Variants in CDH13 observed in about 807,000 individuals in gnomAD.
CDH13 encodes the protein cadherin-13.
In CDH13, 24 loss-of-function variants were observed where a neutral mutation model predicts 63.8. The observed-to-expected ratio is 0.38, with a 90% CI of 0.27 to 0.53. The LOEUF (loss-of-function observed/expected upper bound fraction) is 0.53. CDH13 is among the 20% of genes least tolerant of loss of function. The probability of loss-of-function intolerance (pLI) is 0.85; values close to 1 mark genes in which losing one functional copy is unlikely to be tolerated. For synonymous variants in CDH13, 503 were observed against 355.3 expected, an observed-to-expected ratio of 1.42 and a Z score of -4.67; for missense variants, 1,049 against 903.1, an observed-to-expected ratio of 1.16 and a Z score of -2.07.
At chr16:82,968,310 A>G (rs958331122) in intron 2 of CDH13, among the ~76,000 whole-genome samples, 1 of 152,182 alleles carries the variant, frequency 6.6e-6, no homozygotes, top group African/African-American at 2.4e-5. Flanking sequence ...TTCCACCTTC[A>G]TGTCCTGAAT....
chr16:82,739,634 C>T, intron 1 of CDH13, among the ~76,000 whole-genome samples: 1 of 152,078 alleles, frequency 6.6e-6, no homozygotes, highest in East Asian at 1.9e-4. Context: ...CGGGAATTTG[C>T]CTTTAATTAT....
In CDH13 at chr16:83,182,828, G is replaced by A. The variant is rs571712644; in HGVS notation, c.484-34517G>A. Among the ~76,000 whole-genome samples, 22 of 152,194 alleles carry A rather than the reference G, an allele frequency of 1.4e-4. 2 individuals carry two copies. In the South Asian group the frequency reaches 4.4e-3, roughly 30 times the overall value. ...ATGAGACTGATTTCCCACGTCATGA[G>A]GAAAAATGTCTCTTTACTTTGTGAT... On this transcript the variant is annotated intron_variant, in intron 4 of 13. Transcript: ENST00000567109.
At chr16:82,678,169 C>T (rs1490109741) in intron 1 of CDH13, among the ~76,000 whole-genome samples, 1 of 151,896 alleles carries the variant, frequency 6.6e-6, no homozygotes, top group Non-Finnish European at 1.5e-5. Flanking sequence ...GCCAAACATG[C>T]TGTGTATTGG....
chr16:83,359,343 G>A (rs1485831850), intron 6 of CDH13, among the ~76,000 whole-genome samples: 1 of 152,168 alleles, frequency 6.6e-6, no homozygotes, highest in Admixed American at 6.5e-5. Flanking sequence ...TGAAGGTTCT[G>A]TGAGCAAGTA....
intron 1 of CDH13, among the ~76,000 whole-genome samples, chr16:82,630,918 A>G (rs992339270): frequency 5.3e-5 from 8 of 152,238 alleles, no homozygotes; most frequent in African/African-American, 1.9e-4. Flanking sequence ...CATCCACAGC[A>G]TTACAAAATT....
chr16:83,316,092 G>C (rs911066817), intron 5 of CDH13, among the ~76,000 whole-genome samples: 10 of 152,128 alleles, frequency 6.6e-5, no homozygotes, highest in Non-Finnish European at 1.0e-4. Flanking sequence ...TGGCAGGAGA[G>C]AGAAGTGCAG....
At chr16:83,618,732 G>A (rs1271662221) in intron 8 of CDH13, among the ~76,000 whole-genome samples, 1 of 140,750 alleles carries the variant, frequency 7.1e-6, no homozygotes, top group Non-Finnish European at 1.6e-5. Context: ...CTTCCCTATC[G>A]GTCAAGTAAA....
At chr16:83,221,124 T>C (rs1336444167) in intron 5 of CDH13, among the ~76,000 whole-genome samples, 1 of 152,250 alleles carries the variant, frequency 6.6e-6, no homozygotes, top group African/African-American at 2.4e-5. Context: ...ACATTTTCAA[T>C]CACTAAGAAA....
At chr16:83,265,384 C>T (rs79619372) in intron 5 of CDH13, among the ~76,000 whole-genome samples, 4,742 of 152,198 alleles carry the variant, frequency 0.031, 103 homozygotes, top group East Asian at 0.12. Flanking sequence ...GCAAATTTGG[C>T]TGGATATAGA....
chr16:83,496,607 A>G (rs1418411407), intron 7 of CDH13, among the ~76,000 whole-genome samples: 2 of 152,226 alleles, frequency 1.3e-5, no homozygotes, highest in Non-Finnish European at 2.9e-5. Context: ...ATGGGCAAGG[A>G]CTTCATGTCT....
intron 3 of CDH13, among the ~76,000 whole-genome samples, chr16:83,045,275 C>T (rs1208219089): frequency 1.3e-5 from 2 of 152,196 alleles, no homozygotes; most frequent in East Asian, 1.9e-4. Flanking sequence ...GTGAACAGAA[C>T]CTTTGGAAGT....
At chr16:83,506,693 T>C (rs967623169) in intron 7 of CDH13, among the ~76,000 whole-genome samples, 6 of 152,184 alleles carry the variant, frequency 3.9e-5, no homozygotes, top group Non-Finnish European at 8.8e-5. Context: ...CAGAAATGAC[T>C]TTGTGTGAAT....
At chr16:83,602,119 A>C (rs1567797555) in intron 7 of CDH13, among the ~76,000 whole-genome samples, 7 of 119,010 alleles carry the variant, frequency 5.9e-5, no homozygotes, top group African/African-American at 2.4e-4. Flanking sequence ...AAAAAAAAAA[A>C]AAAAAAAAAA....
At chr16:83,736,698 C>G (rs1475907124) in intron 10 of CDH13, among the ~76,000 whole-genome samples, 1 of 152,078 alleles carries the variant, frequency 6.6e-6, no homozygotes, top group Non-Finnish European at 1.5e-5. Context: ...GTCAATCACC[C>G]CTGGAAATAA....
At chr16:83,542,331 A>G (rs1303546923) in intron 7 of CDH13, among the ~76,000 whole-genome samples, 1 of 152,182 alleles carries the variant, frequency 6.6e-6, no homozygotes, top group Non-Finnish European at 1.5e-5. Context: ...ATTGCAAACT[A>G]CTGCTCCATC....
At chr16:83,723,126 A>G (rs564170294) in intron 10 of CDH13, among the ~76,000 whole-genome samples, 10 of 152,364 alleles carry the variant, frequency 6.6e-5, no homozygotes, top group African/African-American at 2.2e-4. Context: ...AAGGTGATCA[A>G]TCTTCCTGCC....
rs541100764 is a variant in CDH13, at chr16:83,019,927, T to C, written c.158-12083T>C. ...TTTATTATCATTACCAAATATTACA[T>C]ATGGCACATAATTTTATGTGCTTGA... On this transcript the variant is annotated intron_variant, in intron 2 of 13. Transcript: ENST00000567109. Among the ~76,000 whole-genome samples, 290 of 151,822 alleles carry C rather than the reference T, an allele frequency of 1.9e-3. 1 individual carries two copies. The highest frequency in any genetic ancestry group is 0.017 in the Middle Eastern group (5 of 290).
Position 83,415,975 on chromosome 16 carries a change from A to C in CDH13, c.782-70502A>C, listed in dbSNP as rs1404948583. Among the ~76,000 whole-genome samples, 4 of 152,222 alleles carry C rather than the reference A, an allele frequency of 2.6e-5. No homozygotes were observed. The East Asian group carries it at 7.7e-4, about 29-fold the overall frequency. On this transcript the variant is annotated intron_variant, in intron 6 of 13. Coordinates refer to ENST00000567109, the MANE Select transcript of CDH13 (RefSeq NM_001257.5). The stretch of plus-strand genomic sequence containing the variant: ...AAGTAAAATGTCCCGGTTTGTAGAC[A>C]AAATGATCTCACATATAGAAAATAA...
In CDH13 at chr16:83,048,960, C is replaced by G. The variant is rs73596232; in HGVS notation, c.366+16742C>G. Among the ~76,000 whole-genome samples the G allele has an allele frequency of 9.6e-3, 1,456 of 152,248 alleles. 25 individuals are homozygous for G. The highest frequency in any genetic ancestry group is 0.032 in the African/African-American group (1,328 of 41,552). ...TACCTTAATACTCCGAAATGGAGCTCCTGTCCTCAACATTTTGGTGAAAAT... is the reference window on the plus strand; with the variant it reads ...TACCTTAATACTCCGAAATGGAGCTGCTGTCCTCAACATTTTGGTGAAAAT... On this transcript the variant is annotated intron_variant, in intron 3 of 13. Coordinates refer to ENST00000567109, the MANE Select transcript of CDH13 (RefSeq NM_001257.5).
Sources: allele counts gnomAD v4.1 joint callset (sites outside exome capture counted in the v4.1 genomes callset), GRCh38; gene constraint gnomAD v4.1.1; transcripts MANE v1.5; gene names NCBI Gene and HGNC (gene_info 2026-07-23, HGNC 2026-07-21).